The following SCFD2 variants were observed in gnomAD, a reference collection of about 807,000 sequenced individuals.
SCFD2 encodes the protein sec1 family domain containing 2, also known as sec1 family domain-containing protein 2.
In SCFD2, 54 loss-of-function variants were observed where a neutral mutation model predicts 58.9. The observed-to-expected ratio is 0.92, with a 90% CI of 0.74 to 1.15. The LOEUF (loss-of-function observed/expected upper bound fraction) is 1.15. Among genes scored for constraint, SCFD2 ranks in the 50% most tolerant of loss-of-function variants. SCFD2 has a pLI of 0.00. For synonymous variants in SCFD2, 321 were observed against 335.9 expected (o/e 0.96, Z 0.49); for missense variants, 805 against 836.6 (o/e 0.96, Z 0.47).
At chr4:53,043,654 C>T (rs1036129550) in intron 5 of SCFD2, among the ~76,000 whole-genome samples, 7 of 152,084 alleles carry the variant, frequency 4.6e-5, no homozygotes, top group South Asian at 2.1e-4. Flanking sequence ...AACAGTATTA[C>T]TTTTAATATC....
intron 5 of SCFD2, among the ~76,000 whole-genome samples, chr4:53,039,249 C>T (rs1722836456): frequency 6.6e-6 from 1 of 152,152 alleles, no homozygotes; most frequent in Admixed American, 6.6e-5. Flanking sequence ...ATATACATAC[C>T]ATATGTGTTC....
At chr4:52,933,949 C>G (rs1401001000) in intron 5 of SCFD2, among the ~76,000 whole-genome samples, 1 of 152,094 alleles carries the variant, frequency 6.6e-6, no homozygotes, top group Non-Finnish European at 1.5e-5. Flanking sequence ...CTTGCTTTCT[C>G]CTGCTGTGGG....
intron 5 of SCFD2, among the ~76,000 whole-genome samples, chr4:53,136,091 T>C (rs1386400786): frequency 2.6e-5 from 4 of 152,228 alleles, no homozygotes; most frequent in African/African-American, 9.6e-5. Context: ...TTTGTATATT[T>C]ATATGTGAGA....
chr4:53,189,455 T>C (rs1318470381), intron 4 of SCFD2, among the ~76,000 whole-genome samples: 1 of 152,138 alleles, frequency 6.6e-6, no homozygotes, highest in Non-Finnish European at 1.5e-5. Flanking sequence ...TATAACAAAA[T>C]ATCATGGACT....
At chr4:52,972,374 C>T (rs1213327303) in intron 5 of SCFD2, among the ~76,000 whole-genome samples, 7 of 151,992 alleles carry the variant, frequency 4.6e-5, no homozygotes, top group East Asian at 1.9e-4. Context: ...ATCCTAGTCT[C>T]GGATAAAACA....
intron 5 of SCFD2, among the ~76,000 whole-genome samples, chr4:52,972,628 G>T (rs9761776): frequency 6.6e-6 from 1 of 152,080 alleles, no homozygotes; most frequent in East Asian, 1.9e-4. Context: ...AATTAACAAG[G>T]ATATCCAAGA....
intron 5 of SCFD2, among the ~76,000 whole-genome samples, chr4:52,995,975 A>G (rs1295299205): frequency 3.3e-5 from 5 of 152,240 alleles, no homozygotes; most frequent in Non-Finnish European, 7.3e-5. Context: ...CAGGGCTCTC[A>G]GTCAATGCCA....
intron 4 of SCFD2, among the ~76,000 whole-genome samples, chr4:53,164,631 T>C (rs571204444): frequency 2.2e-4 from 33 of 151,892 alleles, no homozygotes; most frequent in Admixed American, 1.2e-3. Flanking sequence ...CCGTTTCCAC[T>C]AAAAATACAA....
At chr4:53,057,366 A>T (rs1308052981) in intron 5 of SCFD2, among the ~76,000 whole-genome samples, 5 of 152,158 alleles carry the variant, frequency 3.3e-5, no homozygotes, top group Non-Finnish European at 7.4e-5. Context: ...GCAGGGAAAA[A>T]GGTGGAAAGG....
chr4:53,304,103 A>C (rs1174601323), intron 3 of SCFD2, among the ~76,000 whole-genome samples: 1 of 310 alleles, frequency 3.2e-3, no homozygotes. Context: ...AAATAATAAT[A>C]AAAAAAAAAA....
In SCFD2 at chr4:53,272,106, G is replaced by C. The variant is rs562994607; in HGVS notation, c.1311+1720C>G. Among the ~76,000 whole-genome samples the C allele has an allele frequency of 4.8e-3, 726 of 152,276 alleles. 2 individuals are homozygous for C. Among genetic ancestry groups the C allele is most frequent in the Admixed American group, 0.01 (155 of 15,292 alleles). On this transcript the variant is annotated intron_variant, in intron 4 of 8. Coordinates refer to ENST00000401642, the MANE Select transcript of SCFD2 (RefSeq NM_152540.4). ...CAGCCATAAGACACATGAAAAAATG[G>C]TCATCATCACTGGCCATCGGAGAAA...
At chr4:53,023,104 T>A (rs1383765275) in intron 5 of SCFD2, among the ~76,000 whole-genome samples, 1 of 152,078 alleles carries the variant, frequency 6.6e-6, no homozygotes, top group Non-Finnish European at 1.5e-5. Context: ...GCATAGAGAG[T>A]TTAGGAAATA....
intron 4 of SCFD2, among the ~76,000 whole-genome samples, chr4:53,206,557 A>C (rs1265714087): frequency 1.6e-4 from 25 of 152,096 alleles, no homozygotes; most frequent in Admixed American, 1.6e-3. Context: ...CAAACTACTC[A>C]AGTTTTTTTA....
intron 5 of SCFD2, among the ~76,000 whole-genome samples, chr4:52,974,344 G>A (rs967112537): frequency 2.6e-5 from 4 of 152,222 alleles, no homozygotes; most frequent in African/African-American, 9.6e-5. Flanking sequence ...AAATCAATGT[G>A]CAAAAATCAC....
At chr4:53,079,789 C>T (rs1724088331) in intron 5 of SCFD2, among the ~76,000 whole-genome samples, 1 of 152,138 alleles carries the variant, frequency 6.6e-6, no homozygotes. Context: ...AATTGCAAGT[C>T]CTCAACCAAA....
At chr4:53,297,979 C>A (rs1328269695) in intron 3 of SCFD2, among the ~76,000 whole-genome samples, 1 of 151,936 alleles carries the variant, frequency 6.6e-6, no homozygotes, top group African/African-American at 2.4e-5. Flanking sequence ...GCCAAGATGG[C>A]CGAATAGGAA....
At chr4:53,159,824 C>G (rs1235171423) in intron 4 of SCFD2, among the ~76,000 whole-genome samples, 2 of 152,162 alleles carry the variant, frequency 1.3e-5, no homozygotes, top group African/African-American at 4.8e-5. Flanking sequence ...CAGCTAGTGC[C>G]CCTGGGCCAG....
intron 4 of SCFD2, among the ~76,000 whole-genome samples, chr4:53,183,065 T>C (rs1727626176): frequency 6.6e-6 from 1 of 152,172 alleles, no homozygotes; most frequent in Non-Finnish European, 1.5e-5. Context: ...GCCTGTAAAC[T>C]AGTTCAGCCA....
intron 4 of SCFD2, among the ~76,000 whole-genome samples, chr4:53,187,183 C>T (rs568349585): frequency 3.9e-5 from 6 of 151,988 alleles, no homozygotes; most frequent in Non-Finnish European, 5.9e-5. Flanking sequence ...TTAATATATA[C>T]AAATGAGAAA....
Sources: allele counts gnomAD v4.1 joint callset (sites outside exome capture counted in the v4.1 genomes callset), GRCh38; gene constraint gnomAD v4.1.1; transcripts MANE v1.5; gene names NCBI Gene and HGNC (gene_info 2026-07-23, HGNC 2026-07-21).